Variants in HSD17B6 observed in about 807,000 individuals in gnomAD.
HSD17B6 encodes the protein hydroxysteroid 17-beta dehydrogenase 6.
A neutral mutation model predicts 26.4 loss-of-function variants in HSD17B6; 16 were observed. The ratio of observed to expected loss-of-function variants is 0.61; its 90% CI spans 0.41 to 0.92. The LOEUF is 0.92. HSD17B6 is among the 40% of genes least tolerant of loss of function. The probability of loss-of-function intolerance (pLI) is 0.00; values close to 1 mark genes in which losing one functional copy is unlikely to be tolerated. For missense variants in HSD17B6, 357 were observed against 386.1 expected (o/e 0.92, Z 0.63); for synonymous variants, 139 against 153.0 (o/e 0.91, Z 0.68).
At chr12:56,785,168 T>C in intron 4 of HSD17B6, 152 bp downstream of exon 4, 10 of 789,826 alleles carry the variant, frequency 1.3e-5, no homozygotes, top group Non-Finnish European at 1.7e-5. Flanking sequence ...CTCAGGAAAC[T>C]TATAATCATG....
chr12:56,776,520 C>G (rs1171743613), intron 2 of HSD17B6, among the ~76,000 whole-genome samples: 1 of 152,018 alleles, frequency 6.6e-6, no homozygotes, highest in African/African-American at 2.4e-5. Flanking sequence ...GTCACCCAGG[C>G]TGGTCTTGAA....
intron 2 of HSD17B6, among the ~76,000 whole-genome samples, chr12:56,780,672 C>A (rs533072501): frequency 1.1e-4 from 17 of 151,842 alleles, no homozygotes; most frequent in African/African-American, 3.4e-4. Flanking sequence ...TCCTGGCGAA[C>A]ACGGTGAAAC....
At position 56,763,398 on chromosome 12, in the gene HSD17B6, C is replaced by T. The variant is rs1012927608; in HGVS notation, c.-36C>T. 1 of 152,394 alleles carries T rather than the reference C, an allele frequency of 6.6e-6. No homozygotes were observed. The highest frequency in any genetic ancestry group is 2.4e-5 in the African/African-American group (1 of 40,984). 9.4% of individuals were successfully genotyped at this position (152,394 alleles called of 1,614,324 possible). ...CCTTTCAAGTCTCTAGGACTGGACT[C>T]TTCCTAAGCAAGTCCGGTATGTAGG... On this transcript the variant is annotated 5_prime_UTR_variant, in exon 1 of 5. Transcript: ENST00000322165.
chr12:56,764,560 G>A (rs1288521300), intron 1 of HSD17B6, among the ~76,000 whole-genome samples: 1 of 152,222 alleles, frequency 6.6e-6, no homozygotes, highest in Admixed American at 6.5e-5. Flanking sequence ...GGAAGAGACA[G>A]GGCTCAGGGA....
At chr12:56,774,212 G>A (rs748604212) in intron 2 of HSD17B6, 47 bp downstream of exon 2, 2 of 1,495,694 alleles carry the variant, frequency 1.3e-6, no homozygotes, top group South Asian at 2.7e-5. Flanking sequence ...AAGATGCTAA[G>A]GTTATATATA....
At chr12:56,772,525 T>G (rs1954496805) in intron 1 of HSD17B6, among the ~76,000 whole-genome samples, 1 of 151,646 alleles carries the variant, frequency 6.6e-6, no homozygotes, top group African/African-American at 2.4e-5. Context: ...TAAAAAACTC[T>G]CTCCCTACTA....
chr12:56,783,596 C>A (rs1315671042), intron 3 of HSD17B6, among the ~76,000 whole-genome samples: 1 of 141,714 alleles, frequency 7.1e-6, no homozygotes, highest in Non-Finnish European at 1.6e-5. Flanking sequence ...GGGGGCTGAC[C>A]CCCCCACCTC....
intron 1 of HSD17B6, among the ~76,000 whole-genome samples, chr12:56,769,762 G>A (rs995227695): frequency 2.0e-5 from 3 of 152,184 alleles, no homozygotes; most frequent in Non-Finnish European, 4.4e-5. Flanking sequence ...CAGATGAATG[G>A]TTTGTAAAAG....
chr12:56,783,753 C>A (rs1336735141), intron 3 of HSD17B6, among the ~76,000 whole-genome samples: 1 of 147,562 alleles, frequency 6.8e-6, no homozygotes, highest in African/African-American at 2.5e-5. Flanking sequence ...CCTCACTTCC[C>A]AGTAGGGGCG....
At chr12:56,765,261 C>G (rs1954297519) in intron 1 of HSD17B6, among the ~76,000 whole-genome samples, 1 of 151,828 alleles carries the variant, frequency 6.6e-6, no homozygotes, top group Non-Finnish European at 1.5e-5. Flanking sequence ...ATGGTAAAAC[C>G]TTGTCTTTAC....
intron 1 of HSD17B6, among the ~76,000 whole-genome samples, chr12:56,764,658 T>C (rs561677448): frequency 8.5e-5 from 13 of 152,286 alleles, no homozygotes; most frequent in African/African-American, 2.4e-4. Context: ...TGCATTAACT[T>C]ATTTAACCCT....
chr12:56,775,855 C>T (rs1487738176), intron 2 of HSD17B6, among the ~76,000 whole-genome samples: 1 of 152,166 alleles, frequency 6.6e-6, no homozygotes, highest in Non-Finnish European at 1.5e-5. Flanking sequence ...ATTCATCACT[C>T]CCCACATTCC....
chr12:56,778,896 C>T (rs1443949044), intron 2 of HSD17B6, among the ~76,000 whole-genome samples: 1 of 150,472 alleles, frequency 6.6e-6, no homozygotes, highest in Non-Finnish European at 1.5e-5. Context: ...AGGATGCTCT[C>T]GATTTCCTGA....
intron 2 of HSD17B6, among the ~76,000 whole-genome samples, chr12:56,777,365 A>ATTTTTTT (rs60596799): frequency 0.24 from 33,312 of 137,964 alleles, 4,309 homozygotes; most frequent in African/African-American, 0.29. Flanking sequence ...CAAAGTGTAA[A>ATTTTTTT]TTTTTTTTTT....
intron 2 of HSD17B6, 145 bp from the exon 3 acceptor site, chr12:56,781,829 G>A: frequency 2.4e-6 from 2 of 827,082 alleles, no homozygotes; most frequent in Non-Finnish European, 3.8e-6. Flanking sequence ...TAGCAAACTT[G>A]TATGTTATAT....
Position 56,782,037 on chromosome 12 carries a change from A to G in HSD17B6, c.377A>G (p.Asn126Ser). Residue 126 changes from asparagine to serine, a missense_variant, in exon 3 of 5, where the codon AAC becomes AGC. Asn to Ser is a conservative substitution (Grantham distance 46). Transcript: ENST00000322165. ...CCAATTACCTTATGTGAGTGGCTGA[A>G]CACTGAGGACTCTATGAATATGCTC... Reference protein sequence around the residue: ...LTPITLCEWLNTEDSMNMLKV... With the variant: ...LTPITLCEWLSTEDSMNMLKV... The G allele has an allele frequency of 6.2e-7, 1 of 1,614,178 alleles. No homozygotes were observed. Among genetic ancestry groups the G allele is most frequent in the Non-Finnish European group, 8.5e-7 (1 of 1,180,020 alleles).
At chr12:56,784,684 A>T (rs985713497) in intron 3 of HSD17B6, among the ~76,000 whole-genome samples, 169 bp from the exon 4 acceptor site, 1 of 152,120 alleles carries the variant, frequency 6.6e-6, no homozygotes, top group East Asian at 1.9e-4. Context: ...AGGGAGAGGG[A>T]GACCGTGGGG....
chr12:56,778,028 G>A (rs1200841848), intron 2 of HSD17B6, among the ~76,000 whole-genome samples: 1 of 152,142 alleles, frequency 6.6e-6, no homozygotes, highest in African/African-American at 2.4e-5. Context: ...GAAGATATGG[G>A]CCTCTCTTAC....
intron 1 of HSD17B6, among the ~76,000 whole-genome samples, chr12:56,770,117 G>A (rs1056711486): frequency 1.3e-5 from 2 of 152,078 alleles, no homozygotes; most frequent in African/African-American, 2.4e-5. Flanking sequence ...TTGGAGAGAG[G>A]CAAAGGGCTT....
Sources: allele counts gnomAD v4.1 joint callset (sites outside exome capture counted in the v4.1 genomes callset), GRCh38; gene constraint gnomAD v4.1.1; transcripts MANE v1.5; gene names NCBI Gene and HGNC (gene_info 2026-07-23, HGNC 2026-07-21).